The following EFNA5 variants were observed in gnomAD, a reference collection of about 807,000 sequenced individuals.
EFNA5 encodes ephrin A5.
EFNA5 carries 5 observed loss-of-function variants against 22.9 expected under a neutral mutation model. The ratio of observed to expected loss-of-function variants is 0.22; its 90% CI spans 0.11 to 0.46. The LOEUF is 0.46. Ranked by LOEUF, EFNA5 falls within the 20% of genes least tolerant of loss-of-function variation. EFNA5 has a pLI of 0.99. For synonymous variants in EFNA5, 113 were observed against 112.2 expected (o/e 1.01, Z -0.04); for missense variants, 237 against 293.3 (o/e 0.81, Z 1.40).
chr5:107,575,320 A>G (rs1399257122), intron 1 of EFNA5, among the ~76,000 whole-genome samples: 1 of 152,170 alleles, frequency 6.6e-6, no homozygotes, highest in Non-Finnish European at 1.5e-5. Context: ...TGCACTTTAA[A>G]TCCAGAAAGC....
chr5:107,452,623 G>T (rs1293449719), intron 1 of EFNA5, among the ~76,000 whole-genome samples: 3 of 152,062 alleles, frequency 2.0e-5, no homozygotes, highest in African/African-American at 7.2e-5. Flanking sequence ...CTACTTGGAA[G>T]GGCTGAGGTG....
chr5:107,443,176 G>C (rs765262373), intron 1 of EFNA5, among the ~76,000 whole-genome samples: 13 of 152,194 alleles, frequency 8.5e-5, no homozygotes, highest in Non-Finnish European at 7.3e-5. Flanking sequence ...GTGCTGGGCA[G>C]GAGGCTGCCC....
chr5:107,477,485 G>C (rs1750342721), intron 1 of EFNA5, among the ~76,000 whole-genome samples: 1 of 152,194 alleles, frequency 6.6e-6, no homozygotes, highest in African/African-American at 2.4e-5. Context: ...TACTGCTCTA[G>C]AAAATTGTCT....
intron 1 of EFNA5, among the ~76,000 whole-genome samples, chr5:107,575,256 A>C (rs1027364910): frequency 6.6e-6 from 1 of 152,176 alleles, no homozygotes; most frequent in Non-Finnish European, 1.5e-5. Flanking sequence ...ATCAGGAAAA[A>C]TATCATATTT....
At chr5:107,420,570 AAAC>A (rs10598024) in intron 2 of EFNA5, among the ~76,000 whole-genome samples, 31,528 of 150,106 alleles carry the variant, frequency 0.21, 3,456 homozygotes, top group South Asian at 0.33. Flanking sequence ...AAACACACGC[AAAC>A]AACAACAACC....
At chr5:107,401,110 G>A (rs543040541) in intron 2 of EFNA5, among the ~76,000 whole-genome samples, 1 of 152,206 alleles carries the variant, frequency 6.6e-6, no homozygotes, top group South Asian at 2.1e-4. Context: ...TTAACATTTT[G>A]TTTCTATTTC....
intron 1 of EFNA5, among the ~76,000 whole-genome samples, chr5:107,663,827 A>C (rs1332841987): frequency 3.3e-5 from 5 of 152,186 alleles, no homozygotes; most frequent in African/African-American, 7.2e-5. Flanking sequence ...AAATCATTCA[A>C]ACGTATTTTT....
At chr5:107,406,917 T>C (rs1206413956) in intron 2 of EFNA5, among the ~76,000 whole-genome samples, 1 of 152,184 alleles carries the variant, frequency 6.6e-6, no homozygotes, top group Non-Finnish European at 1.5e-5. Context: ...ATCACAAGTT[T>C]AAATTAGAAA....
intron 1 of EFNA5, among the ~76,000 whole-genome samples, chr5:107,503,388 C>T (rs1747179424): frequency 6.6e-6 from 1 of 152,188 alleles, no homozygotes; most frequent in African/African-American, 2.4e-5. Flanking sequence ...AAAAATCTGT[C>T]ATTCAAAAGG....
At chr5:107,614,404 A>G (rs754505703) in intron 1 of EFNA5, among the ~76,000 whole-genome samples, 2 of 152,202 alleles carry the variant, frequency 1.3e-5, no homozygotes, top group Non-Finnish European at 2.9e-5. Flanking sequence ...TATACAAAGT[A>G]TTACCTTATG....
At chr5:107,657,278 C>T (rs1422744661) in intron 1 of EFNA5, among the ~76,000 whole-genome samples, 1 of 152,032 alleles carries the variant, frequency 6.6e-6, no homozygotes, top group Admixed American at 6.6e-5. Context: ...CATTCCTATT[C>T]CTAAATTTAA....
At chr5:107,626,997 T>A (rs1409142346) in intron 1 of EFNA5, among the ~76,000 whole-genome samples, 1 of 152,202 alleles carries the variant, frequency 6.6e-6, no homozygotes, top group Non-Finnish European at 1.5e-5. Flanking sequence ...TTGTAAGATT[T>A]TCTGTGTAGT....
chr5:107,581,057 A>T (rs1749065275), intron 1 of EFNA5, among the ~76,000 whole-genome samples: 1 of 152,190 alleles, frequency 6.6e-6, no homozygotes, highest in African/African-American at 2.4e-5. Flanking sequence ...GTGTGTACAA[A>T]ATATATGGTT....
At chr5:107,461,871 T>G (rs1157138829) in intron 1 of EFNA5, among the ~76,000 whole-genome samples, 1 of 152,146 alleles carries the variant, frequency 6.6e-6, no homozygotes, top group Admixed American at 6.5e-5. Context: ...ATCTCTGGAA[T>G]CAAAGACAGC....
At chr5:107,654,746 T>C (rs530340093) in intron 1 of EFNA5, among the ~76,000 whole-genome samples, 145 of 152,166 alleles carry the variant, frequency 9.5e-4, no homozygotes, top group African/African-American at 3.3e-3. Context: ...ACTCAGCCTT[T>C]CACAAAGAGA....
chr5:107,515,285 C>A (rs530687203), intron 1 of EFNA5, among the ~76,000 whole-genome samples: 2 of 152,044 alleles, frequency 1.3e-5, no homozygotes, highest in East Asian at 3.9e-4. Flanking sequence ...GATCCGCCTG[C>A]CTCAGCCTCC....
intron 2 of EFNA5, among the ~76,000 whole-genome samples, chr5:107,407,276 A>C (rs1473394469): frequency 6.6e-6 from 1 of 152,156 alleles, no homozygotes; most frequent in East Asian, 1.9e-4. Flanking sequence ...TTAGCCCGAA[A>C]ACGTCTAAGG....
At chr5:107,413,909 C>T (rs1748435900) in intron 2 of EFNA5, among the ~76,000 whole-genome samples, 1 of 152,142 alleles carries the variant, frequency 6.6e-6, no homozygotes, top group Admixed American at 6.5e-5. Context: ...CTTAGTCTCT[C>T]CCTAACCAGA....
At chr5:107,406,182 A>AAT (rs1213621921) in intron 2 of EFNA5, among the ~76,000 whole-genome samples, 40 of 149,200 alleles carry the variant, frequency 2.7e-4, no homozygotes, top group Middle Eastern at 7.1e-3. Flanking sequence ...ATATACATAG[A>AAT]ATGTATACAA....
Sources: gnomAD v4.1 joint callset for allele counts (sites outside exome capture counted in the v4.1 genomes callset) on GRCh38, gnomAD v4.1.1 for gene constraint, MANE v1.5 for transcripts, NCBI Gene and HGNC (gene_info 2026-07-23, HGNC 2026-07-21) for gene names.